MAPRE2: variants seen among roughly 807,000 people sequenced by gnomAD.
The protein encoded by MAPRE2 is microtubule associated protein RP/EB family member 2, also known as microtubule-associated protein RP/EB family member 2.
In MAPRE2, 13 loss-of-function variants were observed where a neutral mutation model predicts 43.2. That is an observed-to-expected ratio of 0.30 (90% CI 0.20 to 0.48). The LOEUF (loss-of-function observed/expected upper bound fraction) is 0.48, where lower values mean the gene tolerates loss of function less well. MAPRE2 is among the 20% of genes least tolerant of loss of function. The pLI is 0.99. For synonymous variants in MAPRE2, 135 were observed against 148.8 expected (o/e 0.91, Z 0.68); for missense variants, 161 against 400.2 (o/e 0.40, Z 5.10).
At chr18:34,982,382 T>C (rs2097016874) in intron 1 of MAPRE2, among the ~76,000 whole-genome samples, 1 of 152,138 alleles carries the variant, frequency 6.6e-6, no homozygotes, top group South Asian at 2.1e-4. Context: ...GCTTCTTCAC[T>C]AAGGAGTCCT....
intron 1 of MAPRE2, among the ~76,000 whole-genome samples, chr18:35,068,333 A>G (rs573646812): frequency 9.3e-4 from 142 of 152,314 alleles, no homozygotes; most frequent in South Asian, 8.3e-3. Flanking sequence ...GAGGCAAGAA[A>G]TATACAAGTT....
intron 4 of MAPRE2, among the ~76,000 whole-genome samples, chr18:35,122,033 C>T (rs557683050): frequency 2.6e-5 from 4 of 152,180 alleles, no homozygotes; most frequent in African/African-American, 4.8e-5. Flanking sequence ...TAGAAGGCAG[C>T]GAGACCTAGA....
intron 6 of MAPRE2, among the ~76,000 whole-genome samples, chr18:35,137,826 G>A (rs113585585): frequency 5.5e-4 from 84 of 152,300 alleles, no homozygotes; most frequent in African/African-American, 1.6e-3. Context: ...CCATTATCTC[G>A]GGGCTGCAGG....
intron 1 of MAPRE2, among the ~76,000 whole-genome samples, chr18:35,056,260 A>G (rs985284877): frequency 2.0e-5 from 3 of 152,118 alleles, no homozygotes; most frequent in Non-Finnish European, 4.4e-5. Flanking sequence ...ATACATATAT[A>G]AATATACATA....
At chr18:35,135,282 A>C (rs1177415966) in intron 6 of MAPRE2, among the ~76,000 whole-genome samples, 1 of 152,180 alleles carries the variant, frequency 6.6e-6, no homozygotes, top group Non-Finnish European at 1.5e-5. Flanking sequence ...TGCAGAAAGA[A>C]AAGGAAGGCT....
chr18:34,985,808 A>G (rs1166139923), intron 1 of MAPRE2, among the ~76,000 whole-genome samples: 1 of 136,906 alleles, frequency 7.3e-6, no homozygotes, highest in Non-Finnish European at 1.6e-5. Context: ...ATCCTTAATA[A>G]GCTGTCTCTT....
intron 1 of MAPRE2, among the ~76,000 whole-genome samples, chr18:35,054,916 A>G (rs553576432): frequency 2.0e-5 from 3 of 152,320 alleles, no homozygotes; most frequent in Admixed American, 1.3e-4. Flanking sequence ...TTGAAATAAT[A>G]ATGAACCAAA....
At chr18:35,013,836 G>T (rs1008623019) in intron 2 of MAPRE2, among the ~76,000 whole-genome samples, 18 of 152,102 alleles carry the variant, frequency 1.2e-4, no homozygotes, top group African/African-American at 4.1e-4. Context: ...TTCCATCCAT[G>T]TTGCTGTGAA....
At chr18:35,070,752 A>T (rs781689650) in intron 2 of MAPRE2, 48 of 152,702 alleles carry the variant, frequency 3.1e-4, no homozygotes, top group Middle Eastern at 3.4e-3. Context: ...ATTAGTCTCA[A>T]TTCCACCCTC....
intron 5 of MAPRE2, 199 bp downstream of exon 5, chr18:35,127,286 A>C: frequency 1.8e-6 from 1 of 560,970 alleles, no homozygotes. Flanking sequence ...CACAAATCTC[A>C]AAGCTGTACA....
rs116538030 is a variant in MAPRE2, at chr18:35,050,792, G to A, written c.122+9131G>A. ...ATTGGGCAATATCTGGCCTTCATGT[G>A]ACCCCTGTGTGTGATGACGGCCAGG... On this transcript the variant is annotated intron_variant, in intron 1 of 6. Coordinates refer to ENST00000300249, the MANE Select transcript of MAPRE2 (RefSeq NM_014268.4). Among the ~76,000 whole-genome samples, 861 of 152,122 alleles carry A rather than the reference G, an allele frequency of 5.7e-3. 10 individuals are homozygous for A. The highest frequency in any genetic ancestry group is 0.02 in the African/African-American group (822 of 41,462).
rs78428139 is a variant in MAPRE2, at chr18:35,005,181, A to G, written c.-69-311A>G. 6.5e-3 allele frequency among the ~76,000 whole-genome samples: 993 copies of G among 152,268 alleles called. 11 individuals carry two copies. The highest frequency in any genetic ancestry group is 0.023 in the African/African-American group (943 of 41,554). ...GACATGATTCCCGTCACATCAGACT[A>G]TCAGGGCAGGGGAAAAACAAAAGAA... On this transcript the variant is annotated intron_variant, in intron 1 of 7. Transcript: ENST00000413393.
intron 1 of MAPRE2, among the ~76,000 whole-genome samples, chr18:35,057,911 G>A (rs1168674765): frequency 6.6e-6 from 1 of 152,138 alleles, no homozygotes; most frequent in Non-Finnish European, 1.5e-5. Flanking sequence ...GCTGAACATC[G>A]TTTATCTTAG....
chr18:35,051,612 A>G (rs1276575965), intron 1 of MAPRE2, among the ~76,000 whole-genome samples: 1 of 152,164 alleles, frequency 6.6e-6, no homozygotes, highest in East Asian at 1.9e-4. Context: ...CTCCAGGAGG[A>G]CCAGTTGGGG....
intron 2 of MAPRE2, among the ~76,000 whole-genome samples, chr18:35,011,352 GT>G (rs1213662676): frequency 6.6e-6 from 1 of 152,158 alleles, no homozygotes; most frequent in Admixed American, 6.5e-5. Context: ...GGCAGAAAGA[GT>G]AGCAGCTTCA....
chr18:35,016,065 C>T lies in MAPRE2; in HGVS notation c.-8+10512C>T, dbSNP rs528870254. Among the ~76,000 whole-genome samples, 7 of 151,994 alleles carry T rather than the reference C, an allele frequency of 4.6e-5. No homozygotes were observed. The East Asian group carries it at 7.7e-4, about 17-fold the overall frequency. ...AATATGTGGTATTGGTTTTCTATATCTGTGTTAATTTGCCCAGGATAATGG... is the reference window on the plus strand; with the variant it reads ...AATATGTGGTATTGGTTTTCTATATTTGTGTTAATTTGCCCAGGATAATGG... On this transcript the variant is annotated intron_variant, in intron 2 of 7. Transcript: ENST00000413393.
intron 1 of MAPRE2, among the ~76,000 whole-genome samples, chr18:35,048,748 A>G (rs1205428659): frequency 1.3e-5 from 2 of 149,700 alleles, no homozygotes; most frequent in African/African-American, 4.9e-5. Context: ...CTATAACACA[A>G]TGGTGAGAAC....
chr18:35,012,213 C>T lies in MAPRE2; in HGVS notation c.-8+6660C>T, dbSNP rs140806233. Among the ~76,000 whole-genome samples the T allele has an allele frequency of 1.8e-3, 267 of 151,852 alleles. 2 individuals carry two copies. Among genetic ancestry groups the T allele is most frequent in the Middle Eastern group, 0.01 (3 of 294 alleles). On this transcript the variant is annotated intron_variant, in intron 2 of 7. Coordinates refer to the MAPRE2 transcript ENST00000413393. Reference sequence around the variant, plus strand: ...CATGTTGTGCTTAGGGTGCCTGTGACGTTAAAAAAGATATAGATATAGATA... The same window carrying T: ...CATGTTGTGCTTAGGGTGCCTGTGATGTTAAAAAAGATATAGATATAGATA...
At chr18:35,135,493 G>A (rs1204830256) in intron 6 of MAPRE2, among the ~76,000 whole-genome samples, 1 of 152,042 alleles carries the variant, frequency 6.6e-6, no homozygotes, top group Non-Finnish European at 1.5e-5. Flanking sequence ...TGGTTTCTCT[G>A]GAACCACCCA....
Sources: allele counts gnomAD v4.1 joint callset (sites outside exome capture counted in the v4.1 genomes callset), GRCh38; gene constraint gnomAD v4.1.1; transcripts MANE v1.5; gene names NCBI Gene and HGNC (gene_info 2026-07-23, HGNC 2026-07-21).